The following IQSEC3 variants were observed in gnomAD, a reference collection of about 807,000 sequenced individuals.
IQSEC3 encodes the protein IQ motif and Sec7 domain ArfGEF 3.
A neutral mutation model predicts 105.4 loss-of-function variants in IQSEC3; 50 were observed. That is an observed-to-expected ratio of 0.47 (90% CI 0.38 to 0.60). The LOEUF is 0.60. Among genes scored for constraint, IQSEC3 ranks in the 20% least tolerant of loss-of-function variants. The pLI is 0.00. For missense variants in IQSEC3, 1,415 were observed against 1,630.0 expected (o/e 0.87, Z 2.27); for synonymous variants, 708 against 746.0 (o/e 0.95, Z 0.83).
intron 2 of IQSEC3, among the ~76,000 whole-genome samples, chr12:103,279 A>G (rs1456133584): frequency 6.7e-6 from 1 of 150,334 alleles, no homozygotes; most frequent in African/African-American, 2.5e-5. Context: ...GGCCAAGATG[A>G]GGAAGGTGGG....
At chr12:171,573 T>C (rs1318334518) in intron 13 of IQSEC3, 3 of 567,732 alleles carry the variant, frequency 5.3e-6, no homozygotes, top group African/African-American at 3.7e-5. Flanking sequence ...CCACCATCCA[T>C]AGCGGGGAGC....
intron 2 of IQSEC3, among the ~76,000 whole-genome samples, chr12:101,900 C>T (rs1290684466): frequency 6.6e-6 from 1 of 152,194 alleles, no homozygotes; most frequent in Non-Finnish European, 1.5e-5. Flanking sequence ...CACCAAACCT[C>T]ATCCCTTCCC....
At chr12:94,971 CT>C (rs151217782) in intron 1 of IQSEC3, among the ~76,000 whole-genome samples, 4,939 of 152,286 alleles carry the variant, frequency 0.032, 232 homozygotes, top group African/African-American at 0.1. Context: ...GGGGTGTAGG[CT>C]CTCCACTGTC....
intron 1 of IQSEC3, among the ~76,000 whole-genome samples, chr12:83,087 G>A (rs1372155811): frequency 6.6e-6 from 1 of 152,148 alleles, no homozygotes; most frequent in Admixed American, 6.5e-5. Flanking sequence ...CGGTGCTGTG[G>A]GTAATTAGGC....
intron 3 of IQSEC3, among the ~76,000 whole-genome samples, chr12:126,379 A>G (rs1204984301): frequency 6.6e-6 from 1 of 152,224 alleles, no homozygotes; most frequent in Non-Finnish European, 1.5e-5. Flanking sequence ...ATCAGTCCAG[A>G]CTGGGGGAGT....
At chr12:126,048 T>TGA in intron 3 of IQSEC3, 136 bp downstream of exon 3, 1 of 946,908 alleles carries the variant, frequency 1.1e-6, no homozygotes, top group Non-Finnish European at 1.5e-6. Context: ...TCTCCTGCAT[T>TGA]GAGCGACCTA....
At position 174,771 on chromosome 12, in the gene IQSEC3, T is replaced by C; in HGVS notation, c.3287T>C (p.Ile1096Thr). The C allele has an allele frequency of 6.3e-7, 1 of 1,589,730 alleles. No homozygotes were observed. Among genetic ancestry groups the C allele is most frequent in the East Asian group, 2.2e-5 (1 of 44,620 alleles). Residue 1096 changes from isoleucine (I) to threonine (T), a missense_variant, in exon 14 of 14, where the codon ATT becomes ACT. Physicochemically the swap from Ile to Thr is moderately conservative, Grantham distance 89 (BLOSUM62 -1). This residue lies in a region of IQSEC3 where 419 missense variants were observed against 436.2 expected (regional missense o/e 0.96). Transcript: ENST00000538872. ...GGCACCCTGGTGCAGTGCCAGCAAA[T>C]TGTCAAGGTCATTGTCCTGGACAAG... ...PPGTLVQCQQ[I>T]VKVIVLDKPC...
intron 3 of IQSEC3, among the ~76,000 whole-genome samples, chr12:129,750 G>T (rs149714384): frequency 6.6e-6 from 1 of 152,126 alleles, no homozygotes; most frequent in Non-Finnish European, 1.5e-5. Flanking sequence ...TGGAGTTGCA[G>T]TCAGTAGAAT....
chr12:145,524 A>G (rs1555090737), intron 5 of IQSEC3, among the ~76,000 whole-genome samples: 1 of 152,204 alleles, frequency 6.6e-6, no homozygotes, highest in East Asian at 1.9e-4. Flanking sequence ...ACCTCCTCAA[A>G]CATGACTCAA....
chr12:126,459 A>G (rs1215663983), intron 3 of IQSEC3, among the ~76,000 whole-genome samples: 1 of 152,198 alleles, frequency 6.6e-6, no homozygotes, highest in African/African-American at 2.4e-5. Context: ...TCAGGAAGAG[A>G]AAGTGGCCAA....
At chr12:112,282 A>T (rs948716817) in intron 2 of IQSEC3, among the ~76,000 whole-genome samples, 1 of 53,910 alleles carries the variant, frequency 1.9e-5, no homozygotes, top group Non-Finnish European at 3.6e-5. Context: ...AGGGCAACTA[A>T]GGAGTGGGGA....
chr12:91,146 CT>C (rs1279147815), intron 1 of IQSEC3, among the ~76,000 whole-genome samples: 1 of 152,162 alleles, frequency 6.6e-6, no homozygotes, highest in Non-Finnish European at 1.5e-5. Context: ...GAGTTGCCCC[CT>C]GGGACTTCCG....
chr12:169,785 A>G (rs1938873715), intron 12 of IQSEC3, among the ~76,000 whole-genome samples: 1 of 152,218 alleles, frequency 6.6e-6, no homozygotes, highest in Non-Finnish European at 1.5e-5. Context: ...AATAAAGAGC[A>G]TGAGGGGAGA....
intron 3 of IQSEC3, among the ~76,000 whole-genome samples, chr12:128,806 A>G (rs1364912951): frequency 6.6e-6 from 1 of 151,852 alleles, no homozygotes; most frequent in Non-Finnish European, 1.5e-5. Context: ...TCACCTCCAC[A>G]TTGCAGCTGA....
chr12:123,277 C>T (rs1440030027), intron 2 of IQSEC3, among the ~76,000 whole-genome samples: 2 of 151,824 alleles, frequency 1.3e-5, no homozygotes, highest in Admixed American at 6.6e-5. Flanking sequence ...TATGGTGGTG[C>T]GTACCCACCT....
At chr12:163,032 T>C (rs568779728) in intron 8 of IQSEC3, among the ~76,000 whole-genome samples, 5 of 151,994 alleles carry the variant, frequency 3.3e-5, no homozygotes, top group Non-Finnish European at 7.4e-5. Flanking sequence ...CCAAGAAGCA[T>C]GACAGGGATG....
Position 156,904 on chromosome 12 carries a change from G to C in IQSEC3, c.2154-121G>C, listed in dbSNP as rs1325131661. ...CTTGGGGCATTAAAGGGCGACCCCC[G>C]GGGGTGAGTAGCCTGAGGGGCCCTG... On this transcript the variant is annotated intron_variant, in intron 5 of 13. Transcript: ENST00000538872. 3.2e-6 allele frequency: 4 copies of C among 1,246,754 alleles called. No individual in the cohort carries two copies. In the African/African-American group the frequency reaches 4.7e-5, roughly 15 times the overall value. 77.2% of individuals were successfully genotyped at this position (1,246,754 alleles called of 1,614,324 possible). A position where few individuals can be genotyped will look rare whatever the true frequency, so the allele number is the denominator to read the frequency against.
At position 163,593 on chromosome 12, in the gene IQSEC3, G is replaced by T; in HGVS notation, c.2683G>T (p.Val895Leu). The T allele has an allele frequency of 6.4e-7, 1 of 1,563,960 alleles. No homozygotes were observed. The highest frequency in any genetic ancestry group is 8.8e-7 in the Non-Finnish European group (1 of 1,135,140). The part of the protein sequence containing the change: ...LQKQAAHQRE[V>L]FLFNDLLVIL... ...GAAGCAGGCAGCGCATCAGAGGGAG[G>T]TGTTCCTCTTCAATGACCTGCTGGT... The change falls in exon 9 of 14, where the codon GTG (valine) becomes TTG (leucine). Residue 895 changes from valine to leucine, a missense_variant. Val to Leu is a conservative substitution (Grantham distance 32). This residue lies in a region of IQSEC3 where 419 missense variants were observed against 436.2 expected (regional missense o/e 0.96). Transcript: ENST00000538872.
chr12:154,509 T>A (rs1274295132), intron 5 of IQSEC3, among the ~76,000 whole-genome samples: 1 of 152,024 alleles, frequency 6.6e-6, no homozygotes, highest in African/African-American at 2.4e-5. Flanking sequence ...GCACGACAGA[T>A]GGGGGCAAGT....
Sources: allele counts gnomAD v4.1 joint callset (sites outside exome capture counted in the v4.1 genomes callset), GRCh38; gene constraint gnomAD v4.1.1; regional missense constraint gnomAD v4.1.1; transcripts MANE v1.5; gene names NCBI Gene and HGNC (gene_info 2026-07-23, HGNC 2026-07-21).